The following PARM1 variants were observed in gnomAD, a reference collection of about 807,000 sequenced individuals.
PARM1 encodes the protein WSC4, cell wall integrity and stress response component 4 homolog.
A neutral mutation model predicts 24.6 loss-of-function variants in PARM1; 14 were observed. The ratio of observed to expected loss-of-function variants is 0.57; its 90% confidence interval spans 0.38 to 0.89. The LOEUF (loss-of-function observed/expected upper bound fraction) is 0.89. PARM1 is among the 40% of genes least tolerant of loss of function. PARM1 has a pLI of 0.00. For synonymous variants in PARM1, 179 were observed against 156.6 expected, an observed-to-expected ratio of 1.14 and a Z score of -1.07; for missense variants, 362 against 380.4, an observed-to-expected ratio of 0.95 and a Z score of 0.40.
intron 1 of PARM1, among the ~76,000 whole-genome samples, chr4:74,975,622 T>C (rs1722128187): frequency 6.6e-6 from 1 of 152,256 alleles, no homozygotes; most frequent in African/African-American, 2.4e-5. Flanking sequence ...ACATTTGTTA[T>C]ATTAATTATA....
chr4:75,001,633 A>G (rs1467392794), intron 1 of PARM1, among the ~76,000 whole-genome samples: 1 of 152,214 alleles, frequency 6.6e-6, no homozygotes, highest in East Asian at 1.9e-4. Context: ...TTCATTTTTA[A>G]TAGTAAATAG....
chr4:74,969,328 C>T (rs1442652107), intron 1 of PARM1, among the ~76,000 whole-genome samples: 1 of 152,130 alleles, frequency 6.6e-6, no homozygotes, highest in Non-Finnish European at 1.5e-5. Flanking sequence ...AAAGCATGAA[C>T]CCAAATTTCT....
intron 1 of PARM1, chr4:74,957,066 C>A (rs1721652031): frequency 1.3e-5 from 2 of 152,236 alleles, no homozygotes; most frequent in Non-Finnish European, 2.9e-5. Flanking sequence ...AATTACATCT[C>A]TGCCATATAG....
chr4:75,020,958 C>A (rs1052152789), intron 2 of PARM1, among the ~76,000 whole-genome samples: 2 of 152,182 alleles, frequency 1.3e-5, no homozygotes, highest in African/African-American at 4.8e-5. Context: ...ATCTCTTCTT[C>A]GCAGCATGTG....
intron 1 of PARM1, among the ~76,000 whole-genome samples, chr4:74,960,237 C>T (rs1411822090): frequency 1.3e-5 from 2 of 152,200 alleles, no homozygotes; most frequent in Non-Finnish European, 2.9e-5. Context: ...AGCCCTTCTC[C>T]CTTTGGGTAA....
At chr4:75,032,836 T>C (rs560644408) in intron 2 of PARM1, among the ~76,000 whole-genome samples, 1 of 152,334 alleles carries the variant, frequency 6.6e-6, no homozygotes, top group South Asian at 2.1e-4. Flanking sequence ...TTTGTTGAAG[T>C]ACTAGTAAAT....
chr4:74,951,916 A>G (rs765014018), intron 1 of PARM1, among the ~76,000 whole-genome samples: 1 of 152,250 alleles, frequency 6.6e-6, no homozygotes, highest in Non-Finnish European at 1.5e-5. Flanking sequence ...ATGTGTCATT[A>G]TAGTAGAATG....
At chr4:75,025,375 G>A (rs987245359) in intron 2 of PARM1, among the ~76,000 whole-genome samples, 2 of 152,180 alleles carry the variant, frequency 1.3e-5, no homozygotes, top group Non-Finnish European at 2.9e-5. Context: ...TTTGCCTTGA[G>A]AAAAGGCAAT....
intron 1 of PARM1, among the ~76,000 whole-genome samples, chr4:74,935,003 T>TC (rs550575203): frequency 6.8e-5 from 10 of 147,672 alleles, no homozygotes; most frequent in Admixed American, 6.1e-4. Flanking sequence ...TTTCTTTTTT[T>TC]TTTTTTTCTT....
In PARM1 at chr4:74,991,581, C is replaced by T. The variant is rs554667914; in HGVS notation, c.44-20844C>T. ...AAGTCCAAAGCTGAGTACTGATGAG[C>T]GCATACTTATGTAGAAACATCACCA... On this transcript the variant is annotated intron_variant, in intron 1 of 3. Coordinates refer to ENST00000307428, the MANE Select transcript of PARM1 (RefSeq NM_015393.4). Among the ~76,000 whole-genome samples, 309 of 152,190 alleles carry T rather than the reference C, an allele frequency of 2.0e-3. 1 individual carries two copies. Among genetic ancestry groups the T allele is most frequent in the African/African-American group, 6.6e-3 (276 of 41,528 alleles).
chr4:74,950,394 C>T (rs1469569120), intron 1 of PARM1, among the ~76,000 whole-genome samples: 3 of 152,172 alleles, frequency 2.0e-5, no homozygotes, highest in Non-Finnish European at 2.9e-5. Flanking sequence ...TCACTTCAAT[C>T]TCCACCTCTG....
At position 75,031,307 on chromosome 4, in the gene PARM1, T is replaced by G. The variant is rs115068305; in HGVS notation, c.770-2576T>G. Among the ~76,000 whole-genome samples, 822 of 152,326 alleles carry G rather than the reference T, an allele frequency of 5.4e-3. 5 individuals are homozygous for G. The highest frequency in any genetic ancestry group is 0.018 in the African/African-American group (767 of 41,570). ...TTATCTTATACCATTTGGCCTTATA[T>G]TGGGCTGTACAAACTCTTAGAAGTG... On this transcript the variant is annotated intron_variant, in intron 2 of 3. Coordinates refer to ENST00000307428, the MANE Select transcript of PARM1 (RefSeq NM_015393.4).
chr4:75,025,033 C>T (rs142609407), intron 2 of PARM1, among the ~76,000 whole-genome samples: 1 of 152,322 alleles, frequency 6.6e-6, no homozygotes, highest in East Asian at 1.9e-4. Flanking sequence ...GTCTTGTTTT[C>T]ATCATTGAAA....
intron 3 of PARM1, among the ~76,000 whole-genome samples, chr4:75,036,118 A>G (rs1434321870): frequency 2.0e-5 from 3 of 152,212 alleles, no homozygotes; most frequent in African/African-American, 7.2e-5. Flanking sequence ...TTTTAGAGTC[A>G]TTTTAGAATC....
rs78202517 is a variant in PARM1, at chr4:75,023,105, A to G, written c.769+9955A>G. Among the ~76,000 whole-genome samples the G allele has an allele frequency of 3.4e-3, 525 of 152,350 alleles. 5 individuals carry two copies. Among genetic ancestry groups the G allele is most frequent in the African/African-American group, 0.012 (492 of 41,582 alleles). On this transcript the variant is annotated intron_variant, in intron 2 of 3. Coordinates refer to ENST00000307428, the MANE Select transcript of PARM1 (RefSeq NM_015393.4). The stretch of plus-strand genomic sequence containing the variant: ...AAAATTATAAAATCTCAGTAGGTCC[A>G]TGGATGTGGGCCATCAAAAACACTT...
At chr4:74,940,895 T>G (rs1721292995) in intron 1 of PARM1, among the ~76,000 whole-genome samples, 1 of 152,248 alleles carries the variant, frequency 6.6e-6, no homozygotes. Context: ...GTCATTCTAT[T>G]GAGTTAATGT....
In PARM1 at chr4:75,046,447, T is replaced by G. The variant is rs1441154652; in HGVS notation, c.*200T>G. 1 of 478,948 alleles carries G rather than the reference T, an allele frequency of 2.1e-6. No homozygotes were observed. The highest frequency in any genetic ancestry group is 3.8e-6 in the Non-Finnish European group (1 of 262,996). 29.7% of individuals were successfully genotyped at this position (478,948 alleles called of 1,614,324 possible). ...TACAAGAAGAACCATTCTTTAAAGG[T>G]GAGTGGAGGCTGATTTGCAGCTGAA... On this transcript the variant is annotated 3_prime_UTR_variant, in exon 4 of 4. Coordinates refer to ENST00000307428, the MANE Select transcript of PARM1 (RefSeq NM_015393.4).
chr4:75,031,161 G>T (rs986983477), intron 2 of PARM1, among the ~76,000 whole-genome samples: 1 of 152,166 alleles, frequency 6.6e-6, no homozygotes, highest in Admixed American at 6.5e-5. Context: ...TAGGCTTAGG[G>T]CCAGATAAAG....
At chr4:74,980,152 A>G (rs955448883) in intron 1 of PARM1, among the ~76,000 whole-genome samples, 18 of 152,198 alleles carry the variant, frequency 1.2e-4, no homozygotes, top group African/African-American at 4.3e-4. Context: ...AAGTGTTTCA[A>G]ATTGGAAGAG....
Sources: gnomAD v4.1 joint callset for allele counts (sites outside exome capture counted in the v4.1 genomes callset) on GRCh38, gnomAD v4.1.1 for gene constraint, MANE v1.5 for transcripts, NCBI Gene and HGNC (gene_info 2026-07-23, HGNC 2026-07-21) for gene names.